Variants in BICRAL observed in about 807,000 individuals in gnomAD.
BICRAL encodes BICRA like chromatin remodeling complex associated protein, also known as BRD4-interacting chromatin-remodeling complex-associated protein-like.
A neutral mutation model predicts 91.8 loss-of-function variants in BICRAL; 8 were observed. That is an observed-to-expected ratio of 0.09 (90% CI 0.05 to 0.16). The LOEUF (loss-of-function observed/expected upper bound fraction) is 0.16, where lower values mean the gene tolerates loss of function less well. Ranked by LOEUF, BICRAL falls within the 10% of genes least tolerant of loss-of-function variation. The pLI, the probability that BICRAL is intolerant of heterozygous loss-of-function variation, is 1.00. For missense variants in BICRAL, 1,038 were observed against 1,310.9 expected, an observed-to-expected ratio of 0.79 and a Z score of 3.21; for synonymous variants, 445 against 491.1, an observed-to-expected ratio of 0.91 and a Z score of 1.24.
intron 10 of BICRAL, among the ~76,000 whole-genome samples, chr6:42,858,559 T>C (rs1304695279): frequency 6.9e-6 from 1 of 145,672 alleles, no homozygotes; most frequent in Non-Finnish European, 1.5e-5. Flanking sequence ...GTCTCACACC[T>C]GTAATCCCAG....
chr6:42,813,464 T>A (rs1345095583), intron 2 of BICRAL, among the ~76,000 whole-genome samples: 3 of 152,136 alleles, frequency 2.0e-5, no homozygotes, highest in Non-Finnish European at 4.4e-5. Context: ...AAAAAACTCA[T>A]CAATCTTGAA....
chr6:42,816,287 G>C (rs1017671587), intron 2 of BICRAL, among the ~76,000 whole-genome samples: 1 of 151,936 alleles, frequency 6.6e-6, no homozygotes, highest in Non-Finnish European at 1.5e-5. Context: ...ACTGAAAGGG[G>C]AGGATCGCTT....
Position 42,859,965 on chromosome 6 carries a change from G to A in BICRAL, c.2255-297G>A, listed in dbSNP as rs143136326. ...CGGCCTACTCATTGATATTTATTGC[G>A]AGTCTGTTATATGGTTTTATTTTAT... is the stretch of plus-strand genomic sequence containing the variant. On this transcript the variant is annotated intron_variant, in intron 10 of 12. Coordinates refer to ENST00000314073, the MANE Select transcript of BICRAL (RefSeq NM_001393499.1). Among the ~76,000 whole-genome samples, 635 of 152,110 alleles carry A rather than the reference G, an allele frequency of 4.2e-3. 6 individuals carry two copies. The highest frequency in any genetic ancestry group is 0.015 in the African/African-American group (609 of 41,488).
chr6:42,860,398 A>T, intron 11 of BICRAL, 42 bp downstream of exon 11: 1 of 1,120,468 alleles, frequency 8.9e-7, no homozygotes, highest in Non-Finnish European at 1.4e-6. Context: ...AAAACTTTAC[A>T]GGTCACAGCC....
At chr6:42,861,390 C>T (rs1765552703) in intron 11 of BICRAL, among the ~76,000 whole-genome samples, 1 of 152,192 alleles carries the variant, frequency 6.6e-6, no homozygotes, top group Admixed American at 6.5e-5. Flanking sequence ...TCACCACTGT[C>T]TAATTGCAGA....
In BICRAL at chr6:42,829,150, C is replaced by A; in HGVS notation, c.817C>A (p.Pro273Thr). ...NSLFGNSSSS[P>T]VAQPVTVPFN... ...CTTGTTTGGGAACTCTAGTTCCAGT[C>A]CAGTAGCACAGCCTGTTACCGTTCC... The change falls in exon 6 of 13, where the codon CCA becomes ACA. Residue 273 changes from proline to threonine, a missense_variant. Around this residue, in one of 5 missense-constraint regions of BICRAL, gnomAD observed 532 missense variants for 724.9 expected, o/e 0.73. Coordinates refer to ENST00000314073, the MANE Select transcript of BICRAL (RefSeq NM_001393499.1). 1 of 1,613,872 alleles carries A rather than the reference C, an allele frequency of 6.2e-7. No individual in the cohort carries two copies. The highest frequency in any genetic ancestry group is 8.5e-7 in the Non-Finnish European group (1 of 1,179,770).
chr6:42,817,819 A>G lies in BICRAL; in HGVS notation c.-5-4199A>G, dbSNP rs146503962. ...AATACTGCCCTGGATATTCTTATAC[A>G]CATATCATTTGGCACATGTGAAAGA... On this transcript the variant is annotated intron_variant, in intron 2 of 12. Coordinates refer to ENST00000314073, the MANE Select transcript of BICRAL (RefSeq NM_001393499.1). 7.1e-3 allele frequency among the ~76,000 whole-genome samples: 1,073 copies of G among 152,132 alleles called. 5 individuals are homozygous for G. The highest frequency in any genetic ancestry group is 0.023 in the African/African-American group (947 of 41,484).
At chr6:42,844,244 G>T (rs1764909306) in intron 6 of BICRAL, among the ~76,000 whole-genome samples, 1 of 147,598 alleles carries the variant, frequency 6.8e-6, no homozygotes, top group Non-Finnish European at 1.5e-5. Context: ...TGGCACGGTG[G>T]CTCACGCCTG....
rs751490097 is a variant in BICRAL, at chr6:42,829,024, C to T, written c.691C>T (p.Leu231=). 9 of 1,613,804 alleles carry T rather than the reference C, an allele frequency of 5.6e-6. No homozygotes were observed. Among genetic ancestry groups the T allele is most frequent in the Non-Finnish European group, 7.6e-6 (9 of 1,179,730 alleles). Reference sequence around the variant, plus strand: ...TCCTTCCATGATGACTATTAATAACCTAGATGGATCTCAAATCATATTAAA... The same window carrying T: ...TCCTTCCATGATGACTATTAATAACTTAGATGGATCTCAAATCATATTAAA... ...NHPSMMTINN[L]DGSQIILKGS... The change falls in exon 6 of 13, where the codon CTA becomes TTA. Residue 231 remains leucine (L), a synonymous_variant. Coordinates refer to ENST00000314073, the MANE Select transcript of BICRAL (RefSeq NM_001393499.1).
chr6:42,803,770 C>T (rs1376544650), intron 1 of BICRAL, among the ~76,000 whole-genome samples: 3 of 152,136 alleles, frequency 2.0e-5, no homozygotes, highest in South Asian at 2.1e-4. Context: ...CTGAGAAATG[C>T]GTCGCTAGAC....
chr6:42,829,031 G>A lies in BICRAL; in HGVS notation c.698G>A (p.Gly233Glu). ...ATGATGACTATTAATAACCTAGATG[G>A]ATCTCAAATCATATTAAAGGGCAGC... ...PSMMTINNLD[G>E]SQIILKGSGQ... Residue 233 changes from glycine to glutamate, a missense_variant, in exon 6 of 13, where the codon GGA becomes GAA. Gly to Glu is a moderately conservative substitution (Grantham distance 98). This residue lies in a region of BICRAL where 532 missense variants were observed against 724.9 expected (regional missense o/e 0.73). Coordinates refer to ENST00000314073, the MANE Select transcript of BICRAL (RefSeq NM_001393499.1). The A allele has an allele frequency of 6.2e-7, 1 of 1,613,992 alleles. No homozygotes were observed. The highest frequency in any genetic ancestry group is 8.5e-7 in the Non-Finnish European group (1 of 1,179,866).
At chr6:42,803,442 T>C (rs1248601531) in intron 1 of BICRAL, among the ~76,000 whole-genome samples, 2 of 152,150 alleles carry the variant, frequency 1.3e-5, no homozygotes, top group Admixed American at 6.6e-5. Flanking sequence ...TCCTGGACCA[T>C]GGAGGACCAG....
intron 1 of BICRAL, among the ~76,000 whole-genome samples, chr6:42,808,862 A>T (rs541054126): frequency 5.3e-5 from 8 of 152,258 alleles, no homozygotes; most frequent in African/African-American, 1.4e-4. Context: ...TCGTCACATG[A>T]TTAGTCAATG....
At chr6:42,753,667 G>A (rs372617710) in intron 1 of BICRAL, among the ~76,000 whole-genome samples, 10 of 151,710 alleles carry the variant, frequency 6.6e-5, no homozygotes, top group African/African-American at 2.2e-4. Context: ...GCTGGAGTGC[G>A]GTGGCACGAC....
intron 1 of BICRAL, among the ~76,000 whole-genome samples, chr6:42,795,866 C>T (rs1443583775): frequency 1.3e-5 from 2 of 152,146 alleles, no homozygotes; most frequent in Non-Finnish European, 2.9e-5. Flanking sequence ...ATTTCATCAT[C>T]AAATATTTAT....
chr6:42,806,001 CAA>C (rs1232245289), intron 1 of BICRAL, among the ~76,000 whole-genome samples: 2 of 91,496 alleles, frequency 2.2e-5, no homozygotes, highest in Admixed American at 1.0e-4. Context: ...GACTCCATCT[CAA>C]AAAAAAAAAA....
chr6:42,832,732 AACACACACACACAAACAT>A (rs1204855000), intron 6 of BICRAL, among the ~76,000 whole-genome samples: 9 of 151,324 alleles, frequency 5.9e-5, no homozygotes. Flanking sequence ...CTCATATACA[AACACACACACACAAACAT>A]ACACACACAC....
intron 1 of BICRAL, among the ~76,000 whole-genome samples, chr6:42,766,399 A>G (rs1417694764): frequency 6.6e-6 from 1 of 152,184 alleles, no homozygotes; most frequent in Non-Finnish European, 1.5e-5. Context: ...AAGAACTACA[A>G]TAAAGTCACC....
chr6:42,854,748 TG>T (rs1255062299), intron 8 of BICRAL, among the ~76,000 whole-genome samples: 1 of 152,114 alleles, frequency 6.6e-6, no homozygotes, highest in Non-Finnish European at 1.5e-5. Context: ...CTGAAACTCC[TG>T]GGCTCAAGCA....
Sources: allele counts gnomAD v4.1 joint callset (sites outside exome capture counted in the v4.1 genomes callset), GRCh38; gene constraint gnomAD v4.1.1; regional missense constraint gnomAD v4.1.1; transcripts MANE v1.5; gene names NCBI Gene and HGNC (gene_info 2026-07-23, HGNC 2026-07-21).